The following ANAPC10 variants were observed in gnomAD, a reference collection of about 807,000 sequenced individuals.
ANAPC10 encodes anaphase-promoting complex subunit 10.
Under a neutral mutation model 22.0 loss-of-function variants are expected in ANAPC10, and 12 were observed. The ratio of observed to expected loss-of-function variants is 0.55; its 90% confidence interval spans 0.35 to 0.88. The LOEUF is 0.88. Among genes scored for constraint, ANAPC10 ranks in the 40% least tolerant of loss-of-function variants. The pLI, the probability that ANAPC10 is intolerant of heterozygous loss-of-function variation, is 0.01. For missense variants in ANAPC10, 188 were observed against 220.9 expected (o/e 0.85, Z 0.94); for synonymous variants, 65 against 69.5 (o/e 0.94, Z 0.32).
chr4:145,007,160 A>G (rs536514202), intron 4 of ANAPC10, among the ~76,000 whole-genome samples: 19 of 152,236 alleles, frequency 1.2e-4, no homozygotes, highest in African/African-American at 4.3e-4. Flanking sequence ...GAGACATACA[A>G]AGAGACTTAG....
intron 4 of ANAPC10, among the ~76,000 whole-genome samples, chr4:145,045,142 A>C (rs1290364476): frequency 1.3e-5 from 2 of 152,118 alleles, no homozygotes; most frequent in Non-Finnish European, 2.9e-5. Flanking sequence ...AAAAAGGCTT[A>C]AGTTGTAAAA....
intron 3 of ANAPC10, among the ~76,000 whole-genome samples, chr4:145,071,684 CT>C: frequency 6.6e-6 from 1 of 152,090 alleles, no homozygotes; most frequent in Non-Finnish European, 1.5e-5. Context: ...ATCTTAGTTT[CT>C]TTCTAGAAAG....
chr4:145,050,229 C>G (rs565108232), intron 4 of ANAPC10, among the ~76,000 whole-genome samples: 1 of 152,280 alleles, frequency 6.6e-6, no homozygotes, highest in South Asian at 2.1e-4. Flanking sequence ...CATCAAAGCT[C>G]TTGGGTGACT....
Position 144,995,563 on chromosome 4 carries a change from G to A in ANAPC10, c.368C>T (p.Pro123Leu). ...LVEPSGWIHV[P>L]LTDNHKKPTR... ...TGGCTTCTTATGATTGTCAGTTAAG[G>A]GAACATGAATCCAGCCACTTGGTTC... The change falls in exon 5 of 5, where the codon CCC becomes CTC. Residue 123 changes from proline (P) to leucine (L), a missense_variant. By Grantham distance (98) the Pro-to-Leu change is moderately conservative. Transcript: ENST00000507656. 6.2e-7 allele frequency: 1 copy of A among 1,613,228 alleles called. No individual in the cohort carries two copies. Among genetic ancestry groups the A allele is most frequent in the Non-Finnish European group, 8.5e-7 (1 of 1,179,724 alleles).
intron 2 of ANAPC10, among the ~76,000 whole-genome samples, chr4:145,091,640 T>C (rs1030122808): frequency 2.6e-5 from 4 of 152,188 alleles, no homozygotes; most frequent in African/African-American, 9.6e-5. Flanking sequence ...CTATTATGAA[T>C]AGTGCTGCAA....
At chr4:144,998,483 A>G (rs1179350820) in intron 4 of ANAPC10, among the ~76,000 whole-genome samples, 1 of 152,226 alleles carries the variant, frequency 6.6e-6, no homozygotes, top group Non-Finnish European at 1.5e-5. Flanking sequence ...CGGCTCAACT[A>G]CATGGAAACT....
chr4:145,064,855 G>A (rs113933578), intron 3 of ANAPC10, among the ~76,000 whole-genome samples, 163 bp from the exon 4 acceptor site: 4 of 151,758 alleles, frequency 2.6e-5, no homozygotes, highest in African/African-American at 9.7e-5. Context: ...TAAAAATATA[G>A]GTCCAGATAG....
At chr4:145,079,366 CA>C (rs758819094) in intron 3 of ANAPC10, among the ~76,000 whole-genome samples, 2 of 148,504 alleles carry the variant, frequency 1.3e-5, no homozygotes, top group African/African-American at 2.5e-5. Flanking sequence ...ACTAAAAAGT[CA>C]AAAAAAAATA....
chr4:145,058,489 T>C (rs1481704692), intron 4 of ANAPC10, among the ~76,000 whole-genome samples: 3 of 152,168 alleles, frequency 2.0e-5, no homozygotes, highest in Non-Finnish European at 4.4e-5. Context: ...TGCATATCTC[T>C]TCCATGAGAC....
At chr4:145,062,411 A>C (rs991648245) in intron 4 of ANAPC10, among the ~76,000 whole-genome samples, 1 of 151,786 alleles carries the variant, frequency 6.6e-6, no homozygotes, top group South Asian at 2.1e-4. Context: ...TTCGAGACCA[A>C]CCTGGCCAAA....
intron 4 of ANAPC10, among the ~76,000 whole-genome samples, chr4:145,040,713 C>A (rs1739380774): frequency 6.6e-6 from 1 of 151,944 alleles, no homozygotes; most frequent in Non-Finnish European, 1.5e-5. Flanking sequence ...CTGAACATCA[C>A]CGAAGTAATA....
chr4:145,060,683 C>T lies in ANAPC10; in HGVS notation c.327+3889G>A, dbSNP rs114303523. On this transcript the variant is annotated intron_variant, in intron 4 of 4. Coordinates refer to ENST00000507656, the MANE Select transcript of ANAPC10 (RefSeq NM_001256706.2). ...AAAAAAGATTTAGGTGGATTTTCCA[C>T]TCAGTTAAATCAGTACTATAACTAA... 4.1e-3 allele frequency among the ~76,000 whole-genome samples: 631 copies of T among 152,128 alleles called. 6 individuals are homozygous for T. Among genetic ancestry groups the T allele is most frequent in the African/African-American group, 0.014 (596 of 41,554 alleles).
At chr4:145,001,181 A>G (rs1240930756) in intron 4 of ANAPC10, among the ~76,000 whole-genome samples, 1 of 147,942 alleles carries the variant, frequency 6.8e-6, no homozygotes, top group African/African-American at 2.5e-5. Flanking sequence ...CTTAAAGTAT[A>G]ATAAATGAAT....
chr4:145,025,756 G>C (rs143070955), intron 4 of ANAPC10, among the ~76,000 whole-genome samples: 2 of 152,318 alleles, frequency 1.3e-5, no homozygotes, highest in East Asian at 3.9e-4. Flanking sequence ...GGCACTGATA[G>C]ACTTGCTCAA....
chr4:145,069,785 C>T (rs1217146790), intron 3 of ANAPC10, among the ~76,000 whole-genome samples: 2 of 152,038 alleles, frequency 1.3e-5, no homozygotes, highest in Non-Finnish European at 2.9e-5. Flanking sequence ...GAGTTTTCCA[C>T]AGGCTGACAT....
chr4:145,089,227 T>C (rs1373009317), intron 2 of ANAPC10, among the ~76,000 whole-genome samples: 2 of 152,162 alleles, frequency 1.3e-5, no homozygotes, highest in East Asian at 3.8e-4. Flanking sequence ...TGAACTTCAA[T>C]AAAAATTTAG....
chr4:145,028,427 T>C (rs1737062204), intron 4 of ANAPC10, among the ~76,000 whole-genome samples: 2 of 152,184 alleles, frequency 1.3e-5, no homozygotes, highest in African/African-American at 4.8e-5. Context: ...GACAGCCTAT[T>C]GTGGTACCTT....
intron 4 of ANAPC10, among the ~76,000 whole-genome samples, chr4:145,025,463 T>A (rs1004311476): frequency 1.6e-4 from 24 of 151,856 alleles, no homozygotes; most frequent in Non-Finnish European, 2.9e-4. Flanking sequence ...AATATTGTTG[T>A]GTCTCAACCA....
chr4:145,023,566 C>T (rs114221736), intron 4 of ANAPC10, among the ~76,000 whole-genome samples: 282 of 152,252 alleles, frequency 1.9e-3, no homozygotes, highest in African/African-American at 6.3e-3. Context: ...TGCAATAAAG[C>T]AAGTCACACA....
Sources: gnomAD v4.1 joint callset for allele counts (sites outside exome capture counted in the v4.1 genomes callset) on GRCh38, gnomAD v4.1.1 for gene constraint, MANE v1.5 for transcripts, NCBI Gene and HGNC (gene_info 2026-07-23, HGNC 2026-07-21) for gene names.